Variants in ARHGAP40 observed in about 807,000 individuals in gnomAD.
The protein encoded by ARHGAP40 is rho GTPase-activating protein 40.
A neutral mutation model predicts 73.5 loss-of-function variants in ARHGAP40; 43 were observed. The ratio of observed to expected loss-of-function variants is 0.58; its 90% confidence interval spans 0.46 to 0.75. ARHGAP40 has a LOEUF of 0.75. Ranked by LOEUF, ARHGAP40 falls within the 30% of genes least tolerant of loss-of-function variation. The probability of loss-of-function intolerance (pLI) is 0.00; values close to 1 mark genes in which losing one functional copy is unlikely to be tolerated. For missense variants in ARHGAP40, 734 were observed against 861.8 expected (o/e 0.85, Z 1.86); for synonymous variants, 300 against 352.8 (o/e 0.85, Z 1.68).
chr20:38,645,617 A>T (rs985860199), intron 11 of ARHGAP40, among the ~76,000 whole-genome samples: 3 of 152,086 alleles, frequency 2.0e-5, no homozygotes, highest in Admixed American at 1.3e-4. Context: ...CTGGGTTCGG[A>T]TCCCACAGAG....
intron 6 of ARHGAP40, among the ~76,000 whole-genome samples, chr20:38,635,045 C>T (rs1244946383): frequency 6.6e-6 from 1 of 152,026 alleles, no homozygotes; most frequent in Non-Finnish European, 1.5e-5. Context: ...CCATGCCCAG[C>T]TAATTTTTGT....
chr20:38,649,912 G>C (rs1195178991), exon 15 of ARHGAP40: 2 of 1,168,900 alleles, frequency 1.7e-6, no homozygotes, highest in Non-Finnish European at 2.3e-6. Flanking sequence ...CTGTGTCCAT[G>C]TACCCAGCAT....
intron 1 of ARHGAP40, among the ~76,000 whole-genome samples, chr20:38,622,413 C>T (rs1242645081): frequency 1.3e-5 from 2 of 152,140 alleles, no homozygotes; most frequent in Admixed American, 6.6e-5. Flanking sequence ...CCAACCCTAC[C>T]ATTTCTCAAG....
Position 38,638,779 on chromosome 20 carries a change from AAG to A in ARHGAP40, c.1065_1066del (p.Gly356ThrfsTer33). On this transcript the variant is annotated frameshift_variant, in exon 8 of 15. Transcript: ENST00000373345. LOFTEE classifies it high-confidence loss of function. ...CTGACAGCTGCTGTCCTGTTTGGAA[AAG>A]AGAGGACTGGACATGGAAGGCATTC... 7.7e-7 allele frequency: 1 copy of A among 1,305,440 alleles called. No homozygotes were observed. The highest frequency in any genetic ancestry group is 1.2e-5 in the South Asian group (1 of 81,024). The allele number at this position is 1,305,440 out of a possible 1,614,324, so 80.9% of individuals were successfully genotyped here.
At chr20:38,633,272 A>G (rs2088952809) in intron 5 of ARHGAP40, among the ~76,000 whole-genome samples, 1 of 152,036 alleles carries the variant, frequency 6.6e-6, no homozygotes, top group South Asian at 2.1e-4. Flanking sequence ...ACAGAGCAAG[A>G]CTCTCCTCTG....
rs2089065538 is a variant in ARHGAP40, at chr20:38,648,134, G to C, written c.1881-509G>C. ...CTCCTTGAACAGATGGGAGCACTAA[G>C]ACTCAGAAAAGAGAAGGGACTTGCC... On this transcript the variant is annotated intron_variant, in intron 13 of 14. Coordinates refer to ENST00000373345, the Ensembl canonical transcript of ARHGAP40. Among the ~76,000 whole-genome samples the C allele has an allele frequency of 2.0e-5, 3 of 152,198 alleles. No homozygotes were observed. The South Asian group carries it at 6.2e-4, about 32-fold the overall frequency.
At chr20:38,601,857 C>A in exon 1 of ARHGAP40, 1 of 1,272,050 alleles carries the variant, frequency 7.9e-7, no homozygotes, top group Non-Finnish European at 1.0e-6. Flanking sequence ...GGGGGCCCTA[C>A]CTCACTCCTC....
intron 1 of ARHGAP40, among the ~76,000 whole-genome samples, chr20:38,622,024 A>C (rs896965181): frequency 2.0e-4 from 30 of 152,288 alleles, no homozygotes; most frequent in African/African-American, 6.5e-4. Context: ...ACTGCACTCC[A>C]GCCTGGGCCA....
intron 5 of ARHGAP40, among the ~76,000 whole-genome samples, 161 bp downstream of exon 5, chr20:38,629,811 G>A (rs980281852): frequency 1.3e-5 from 2 of 152,224 alleles, no homozygotes; most frequent in African/African-American, 4.8e-5. Flanking sequence ...AGTGACCGCT[G>A]GGTATCAAGA....
intron 2 of ARHGAP40, among the ~76,000 whole-genome samples, chr20:38,625,145 C>G (rs1366130108): frequency 6.6e-6 from 1 of 152,246 alleles, no homozygotes; most frequent in African/African-American, 2.4e-5. Flanking sequence ...TGCAGTGCCT[C>G]CAAGTGTAAA....
chr20:38,649,802 G>T (rs200034668), exon 15 of ARHGAP40: 2 of 1,305,210 alleles, frequency 1.5e-6, no homozygotes, highest in Non-Finnish European at 1.0e-6. Context: ...GATCTGTACC[G>T]TGCCAACCCG....
chr20:38,607,115 A>C (rs1169726208), intron 1 of ARHGAP40, among the ~76,000 whole-genome samples: 1 of 152,218 alleles, frequency 6.6e-6, no homozygotes, highest in Non-Finnish European at 1.5e-5. Flanking sequence ...GTCAGATATC[A>C]GTGGTCAAAG....
chr20:38,633,041 T>C (rs973816236), intron 5 of ARHGAP40, among the ~76,000 whole-genome samples: 2 of 151,822 alleles, frequency 1.3e-5, no homozygotes, highest in Non-Finnish European at 2.9e-5. Flanking sequence ...GAGAATTGCT[T>C]GAACCTGGGA....
intron 1 of ARHGAP40, among the ~76,000 whole-genome samples, chr20:38,615,737 A>T (rs73101914): frequency 0.099 from 15,038 of 152,102 alleles, 861 homozygotes; most frequent in South Asian, 0.24. Flanking sequence ...AGTGGCAGAG[A>T]GTGGGCTCAC....
chr20:38,635,489 C>A (rs1009450260), intron 6 of ARHGAP40, among the ~76,000 whole-genome samples: 2 of 151,928 alleles, frequency 1.3e-5, no homozygotes, highest in Non-Finnish European at 2.9e-5. Flanking sequence ...CATAGTGAGA[C>A]CCTGTCTCTA....
chr20:38,614,518 G>GA (rs201351797), intron 1 of ARHGAP40, among the ~76,000 whole-genome samples: 2,840 of 151,558 alleles, frequency 0.019, 43 homozygotes, highest in Non-Finnish European at 0.031. Context: ...CAAGAAGGGG[G>GA]AAAAAAAACC....
At chr20:38,649,850 C>T in exon 15 of ARHGAP40, 1 of 1,305,102 alleles carries the variant, frequency 7.7e-7, no homozygotes, top group Non-Finnish European at 1.0e-6. Context: ...CCCACCTAAA[C>T]CCTGCGAGTC....
chr20:38,642,430 G>A (rs750713491), intron 10 of ARHGAP40, among the ~76,000 whole-genome samples: 14 of 152,174 alleles, frequency 9.2e-5, no homozygotes, highest in Admixed American at 7.2e-4. Context: ...TTGAGTTTCT[G>A]CTTCCTTTTC....
chr20:38,641,574 T>C (rs1319200144), intron 9 of ARHGAP40, among the ~76,000 whole-genome samples, 152 bp from the exon 10 acceptor site: 1 of 152,074 alleles, frequency 6.6e-6, no homozygotes, highest in Non-Finnish European at 1.5e-5. Context: ...TGAGCCAACA[T>C]TAGACAAGGA....
Sources: gnomAD v4.1 joint callset for allele counts (sites outside exome capture counted in the v4.1 genomes callset) on GRCh38, gnomAD v4.1.1 for gene constraint, MANE v1.5 for transcripts, NCBI Gene and HGNC (gene_info 2026-07-23, HGNC 2026-07-21) for gene names.